The following GLRX2 variants were observed in gnomAD, a reference collection of about 807,000 sequenced individuals.
The protein encoded by GLRX2 is glutaredoxin 2.
Under a neutral mutation model 16.4 loss-of-function variants are expected in GLRX2, and 12 were observed. That is an observed-to-expected ratio of 0.73 (90% CI 0.47 to 1.19). The LOEUF (loss-of-function observed/expected upper bound fraction) is 1.19. Among genes scored for constraint, GLRX2 ranks in the 50% most tolerant of loss-of-function variants. GLRX2 has a pLI of 0.00. For missense variants in GLRX2, 201 were observed against 201.8 expected (o/e 1.00, Z 0.02); for synonymous variants, 95 against 76.2 (o/e 1.25, Z -1.28).
intron 1 of GLRX2, among the ~76,000 whole-genome samples, chr1:193,103,224 G>T (rs1009312993): frequency 2.0e-5 from 3 of 152,158 alleles, no homozygotes; most frequent in Non-Finnish European, 2.9e-5. Context: ...GGTAAGAACG[G>T]ATCTTCTATC....
Position 193,096,563 on chromosome 1 carries a change from AT to A in GLRX2, c.*61del. On this transcript the variant is annotated 3_prime_UTR_variant, in exon 4 of 4. Coordinates refer to ENST00000367439, the MANE Select transcript of GLRX2 (RefSeq NM_197962.3). ...AAACATCCTCAAACATTTAAAAGAC[AT>A]TATCGGGCATTACCACTTTAAATAA... is the stretch of plus-strand genomic sequence containing the variant. The A allele has an allele frequency of 1.2e-6, 1 of 858,498 alleles. No homozygotes were observed. The allele number at this position is 858,498 out of a possible 1,614,324, so 53.2% of individuals were successfully genotyped here. A position where few individuals can be genotyped will look rare whatever the true frequency, so the allele number is the denominator to read the frequency against.
At chr1:193,105,534 C>T (rs759448025), upstream of GLRX2, 40 of 1,572,550 alleles carry the variant, frequency 2.5e-5, no homozygotes, top group Non-Finnish European at 3.1e-5. Flanking sequence ...CAGCTGAGCG[C>T]GTCCTCCCAG....
chr1:193,103,284 C>T (rs748293886), intron 1 of GLRX2, among the ~76,000 whole-genome samples: 3 of 152,124 alleles, frequency 2.0e-5, no homozygotes, highest in Non-Finnish European at 2.9e-5. Context: ...GATGTCACAC[C>T]TCAAACTGCA....
At chr1:193,101,526 A>G (rs896695935) in intron 1 of GLRX2, among the ~76,000 whole-genome samples, 1 of 152,210 alleles carries the variant, frequency 6.6e-6, no homozygotes, top group African/African-American at 2.4e-5. Context: ...ATATGACCTG[A>G]CCATTGGTTT....
intron 1 of GLRX2, among the ~76,000 whole-genome samples, chr1:193,103,207 G>T (rs1675114079): frequency 6.6e-6 from 1 of 152,136 alleles, no homozygotes; most frequent in Admixed American, 6.5e-5. Context: ...AGGTTGCTAA[G>T]GTCTATGGTA....
chr1:193,104,950 C>G (rs189167891), intron 1 of GLRX2, among the ~76,000 whole-genome samples: 1 of 152,394 alleles, frequency 6.6e-6, no homozygotes, highest in East Asian at 1.9e-4. Context: ...ATCATTCGCT[C>G]TTTCAGAGAA....
chr1:193,099,429 C>T (rs988951752), intron 2 of GLRX2, among the ~76,000 whole-genome samples: 6 of 152,272 alleles, frequency 3.9e-5, no homozygotes, highest in Admixed American at 2.0e-4. Context: ...CAGCCTTAAC[C>T]TCCTGAGCTC....
chr1:193,098,646 G>T (rs186383811), intron 2 of GLRX2, among the ~76,000 whole-genome samples: 147 of 152,218 alleles, frequency 9.7e-4, no homozygotes, highest in Non-Finnish European at 1.7e-3. Context: ...GCGCCTCCCA[G>T]GTTCAAGCGA....
rs146558056 is a variant in GLRX2, at chr1:193,101,257, A to G, written c.120-53T>C. ...GTTTATTAAGCATTAAGGATAATTT[A>G]TCACGAGTTTTATTTGAAAAAAATC... On this transcript the variant is annotated intron_variant, in intron 1 of 3. Coordinates refer to ENST00000367439, the MANE Select transcript of GLRX2 (RefSeq NM_197962.3). 5.3e-6 allele frequency: 6 copies of G among 1,142,822 alleles called. No individual in the cohort carries two copies. The African/African-American group carries it at 9.2e-5, about 18-fold the overall frequency. The allele number at this position is 1,142,822 out of a possible 1,614,324, so 70.8% of individuals were successfully genotyped here.
At chr1:193,100,865 G>A (rs754125962) in intron 2 of GLRX2, among the ~76,000 whole-genome samples, 11 of 152,202 alleles carry the variant, frequency 7.2e-5, no homozygotes, top group Admixed American at 3.9e-4. Flanking sequence ...GACCTCAAGT[G>A]GGTATGATGA....
Position 193,097,743 on chromosome 1 carries a change from A to G in GLRX2, c.201T>C (p.Asn67=), listed in dbSNP as rs1430864956. 5.0e-6 allele frequency: 8 copies of G among 1,584,198 alleles called. No homozygotes were observed. Among genetic ancestry groups the G allele is most frequent in the Non-Finnish European group, 6.8e-6 (8 of 1,169,710 alleles). Residue 67 remains asparagine, a synonymous_variant, in exon 3 of 4, where the codon AAT becomes AAC. Coordinates refer to ENST00000367439, the MANE Select transcript of GLRX2 (RefSeq NM_197962.3). ...VNQIQETISD[N]CVVIFSKTSC... ...ATGTTTTTGAGAAAATCACCACACA[A>G]TTATCAGAAATTGTTTCCTGAAATA... is the stretch of plus-strand genomic sequence containing the variant.
At chr1:193,097,840 T>C (rs1674991257) in intron 2 of GLRX2, 80 bp from the exon 3 acceptor site, 6 of 1,014,790 alleles carry the variant, frequency 5.9e-6, no homozygotes, top group Non-Finnish European at 8.3e-6. Flanking sequence ...GGAAAGGGTA[T>C]GGATTTTGGT....
intron 3 of GLRX2, among the ~76,000 whole-genome samples, chr1:193,096,968 C>G (rs1674971569): frequency 6.6e-6 from 1 of 152,198 alleles, no homozygotes; most frequent in African/African-American, 2.4e-5. Flanking sequence ...CAGGAACTTG[C>G]ACAAAATCAC....
intron 3 of GLRX2, 87 bp downstream of exon 3, chr1:193,097,497 T>A: frequency 9.8e-7 from 1 of 1,017,208 alleles, no homozygotes; most frequent in Non-Finnish European, 1.4e-6. Context: ...AATGTCTGGC[T>A]CATTTTCCTA....
At chr1:193,103,494 T>G (rs1421036592) in intron 1 of GLRX2, among the ~76,000 whole-genome samples, 2 of 152,212 alleles carry the variant, frequency 1.3e-5, no homozygotes, top group Non-Finnish European at 2.9e-5. Context: ...TTGTTGTTAA[T>G]CTCTTACTCT....
chr1:193,096,633 A>C lies in GLRX2; in HGVS notation c.487T>G (p.Phe163Val). Residue 163 changes from phenylalanine to valine, a missense_variant, in exon 4 of 4, where the codon TTT becomes GTT. Transcript: ENST00000367439. ...ACTTATTAGTATAAACATCACTGAA[A>C]TTCTTTCCTCTTACTTTTTTTTAAA... ...CYLKKSKRKE[F>V]Q The C allele has an allele frequency of 3.8e-6, 6 of 1,577,696 alleles. No individual in the cohort carries two copies. Among genetic ancestry groups the C allele is most frequent in the Non-Finnish European group, 5.2e-6 (6 of 1,150,230 alleles).
intron 1 of GLRX2, 91 bp downstream of exon 1, chr1:193,105,173 G>C: frequency 7.0e-7 from 1 of 1,432,204 alleles, no homozygotes; most frequent in South Asian, 1.5e-5. Flanking sequence ...CCCGGCGCCG[G>C]GGCAAAGGGG....
intron 1 of GLRX2, 31 bp from the exon 2 acceptor site, chr1:193,101,235 T>A: frequency 7.7e-7 from 1 of 1,301,478 alleles, no homozygotes; most frequent in Non-Finnish European, 1.1e-6. Flanking sequence ...CAATGTAGTT[T>A]ATTAAGCATT....
At chr1:193,096,780 G>C in intron 3 of GLRX2, 21 bp from the exon 4 acceptor site, 2 of 1,584,586 alleles carry the variant, frequency 1.3e-6, no homozygotes, top group Non-Finnish European at 8.6e-7. Context: ...AACAAAAGAA[G>C]AATTAGGCTT....
Sources: gnomAD v4.1 joint callset for allele counts (sites outside exome capture counted in the v4.1 genomes callset) on GRCh38, gnomAD v4.1.1 for gene constraint, MANE v1.5 for transcripts, NCBI Gene and HGNC (gene_info 2026-07-23, HGNC 2026-07-21) for gene names.